The following STAP1 variants were observed in gnomAD, a reference collection of about 807,000 sequenced individuals.
STAP1 encodes the protein signal-transducing adaptor protein 1.
In STAP1, 30 loss-of-function variants were observed where a neutral mutation model predicts 37.8. That is an observed-to-expected ratio of 0.79 (90% CI 0.59 to 1.08). STAP1 has a LOEUF of 1.08. STAP1 is among the 50% of genes least tolerant of loss of function. The pLI is 0.00. For synonymous variants in STAP1, 130 were observed against 116.0 expected (o/e 1.12, Z -0.78); for missense variants, 357 against 349.4 (o/e 1.02, Z -0.17).
chr4:67,590,948 A>G lies in STAP1; in HGVS notation c.724A>G (p.Lys242Glu). 1 of 1,610,574 alleles carries G rather than the reference A, an allele frequency of 6.2e-7. No individual in the cohort carries two copies. The highest frequency in any genetic ancestry group is 8.5e-7 in the Non-Finnish European group (1 of 1,178,098). ...VGQNYTIELE[K>E]PVTLPNLFSV... ...ACAAAACTACACTATTGAACTGGAA[A>G]AACCTGTAAGTAACTATTTTTGTTG... Residue 242 changes from lysine (K) to glutamate (E), a missense_variant, in exon 7 of 9, where the codon AAA becomes GAA. Coordinates refer to ENST00000265404, the MANE Select transcript of STAP1 (RefSeq NM_012108.4).
At chr4:67,598,540 G>C (rs1728272747) in intron 8 of STAP1, among the ~76,000 whole-genome samples, 1 of 152,066 alleles carries the variant, frequency 6.6e-6, no homozygotes, top group African/African-American at 2.4e-5. Flanking sequence ...GTGATGTTGA[G>C]CATCTTTTCA....
intron 7 of STAP1, 146 bp from the exon 8 acceptor site, chr4:67,593,114 C>T: frequency 1.9e-6 from 1 of 538,148 alleles, no homozygotes; most frequent in East Asian, 3.2e-5. Flanking sequence ...ATAAATAAGA[C>T]ACAGGGATAG....
At chr4:67,589,859 C>CAGCG (rs1331752412) in intron 6 of STAP1, among the ~76,000 whole-genome samples, 1 of 151,560 alleles carries the variant, frequency 6.6e-6, no homozygotes, top group Non-Finnish European at 1.5e-5. Context: ...GGCTAGAATG[C>CAGCG]AGCGGCACCA....
chr4:67,562,599 A>G (rs1217757298), intron 1 of STAP1, among the ~76,000 whole-genome samples: 1 of 88,868 alleles, frequency 1.1e-5, no homozygotes, highest in Admixed American at 1.2e-4. Flanking sequence ...CCCTGTCTCT[A>G]CTAAAAAAAA....
chr4:67,568,744 C>T (rs6828030), intron 1 of STAP1, among the ~76,000 whole-genome samples: 86,830 of 151,522 alleles, frequency 0.57, 25,681 homozygotes, highest in Non-Finnish European at 0.63. Flanking sequence ...ATACTATTTA[C>T]TGAACCCCAG....
At chr4:67,599,894 G>A (rs906227392) in intron 8 of STAP1, among the ~76,000 whole-genome samples, 11 of 151,840 alleles carry the variant, frequency 7.2e-5, no homozygotes, top group South Asian at 2.1e-4. Flanking sequence ...CACCTGCCTC[G>A]GACTCCCAAT....
At position 67,558,880 on chromosome 4, in the gene STAP1, T is replaced by A; in HGVS notation, c.71T>A (p.Leu24Gln). 6.2e-7 allele frequency: 1 copy of A among 1,613,730 alleles called. No homozygotes were observed. Among genetic ancestry groups the A allele is most frequent in the Non-Finnish European group, 8.5e-7 (1 of 1,179,706 alleles). Residue 24 changes from leucine to glutamine, a missense_variant, in exon 1 of 9, where the codon CTA (leucine) becomes CAA (glutamine). Leu to Gln is a moderately radical substitution (Grantham distance 113). Transcript: ENST00000265404. The stretch of plus-strand genomic sequence containing the variant: ...CAGGAAAGGTTAAAGATTACTGCTC[T>A]ACCTTTGTACTTTGAAGGTTTTTTA... ...IFQERLKITA[L>Q]PLYFEGFLLI...
chr4:67,559,026 T>C, intron 1 of STAP1, 97 bp downstream of exon 1: 5 of 1,218,140 alleles, frequency 4.1e-6, no homozygotes, highest in Non-Finnish European at 5.5e-6. Context: ...CTTGTTTCTG[T>C]TGAAATTAAA....
At chr4:67,598,290 A>G (rs1359029599) in intron 8 of STAP1, among the ~76,000 whole-genome samples, 1 of 152,178 alleles carries the variant, frequency 6.6e-6, no homozygotes, top group East Asian at 1.9e-4. Context: ...TTTGGGGTAT[A>G]TACCTAGCAG....
intron 8 of STAP1, among the ~76,000 whole-genome samples, chr4:67,602,483 T>C (rs1728364778): frequency 6.6e-6 from 1 of 152,186 alleles, no homozygotes; most frequent in African/African-American, 2.4e-5. Flanking sequence ...CCATCCTTCT[T>C]GGAAAGGTTT....
chr4:67,578,830 ATT>A (rs11314663), intron 4 of STAP1, among the ~76,000 whole-genome samples: 112 of 142,500 alleles, frequency 7.9e-4, no homozygotes, highest in African/African-American at 1.5e-3. Flanking sequence ...ATTTATGTGA[ATT>A]TTTTTTTTTT....
At position 67,575,511 on chromosome 4, in the gene STAP1, A is replaced by T. The variant is rs1280928218; in HGVS notation, c.306+13A>T. ...AGTACAACTGAAGGTGAGCGAGGAG[A>T]AACAGTAGTCTGTAAAGGGTTGTGG... On this transcript the variant is annotated intron_variant, in intron 3 of 8. Transcript: ENST00000265404. 2.5e-6 allele frequency: 4 copies of T among 1,569,342 alleles called. No homozygotes were observed. The East Asian group carries it at 9.0e-5, about 35-fold the overall frequency.
intron 7 of STAP1, 140 bp downstream of exon 7, chr4:67,591,093 G>C (rs1312245348): frequency 2.0e-5 from 9 of 440,360 alleles, no homozygotes; most frequent in African/African-American, 1.4e-4. Flanking sequence ...AGGAACAGGT[G>C]GTGAGGCAGA....
At chr4:67,582,333 A>ACAGTGTCTCACTCTGTTAGC (rs2109865646) in intron 5 of STAP1, among the ~76,000 whole-genome samples, 1 of 149,522 alleles carries the variant, frequency 6.7e-6, no homozygotes, top group Non-Finnish European at 1.5e-5. Flanking sequence ...TTTTTTTGAG[A>ACAGTGTCTCACTCTGTTAGC]CAGTGTCTCA....
intron 8 of STAP1, among the ~76,000 whole-genome samples, chr4:67,600,349 T>C (rs1029470493): frequency 6.6e-5 from 10 of 152,194 alleles, no homozygotes; most frequent in Admixed American, 2.6e-4. Flanking sequence ...TTTTATTCCA[T>C]TGTGGTTGGA....
chr4:67,566,031 C>T (rs1317463240), intron 1 of STAP1, among the ~76,000 whole-genome samples: 1 of 146,086 alleles, frequency 6.8e-6, no homozygotes, highest in Non-Finnish European at 1.5e-5. Context: ...TCACTGCAAC[C>T]TTCGCTTCCT....
intron 4 of STAP1, among the ~76,000 whole-genome samples, chr4:67,578,725 C>G (rs1408140031): frequency 6.6e-6 from 1 of 152,014 alleles, no homozygotes; most frequent in Admixed American, 6.5e-5. Context: ...TTTGGCCAAA[C>G]ATTTTGTTTT....
chr4:67,603,704 A>T (rs952897463), intron 8 of STAP1, among the ~76,000 whole-genome samples: 2 of 151,958 alleles, frequency 1.3e-5, no homozygotes, highest in African/African-American at 4.8e-5. Context: ...AGGCCTCATG[A>T]CTCTGCCTGA....
chr4:67,575,223 C>A (rs1727691032), intron 2 of STAP1, among the ~76,000 whole-genome samples, 162 bp from the exon 3 acceptor site: 1 of 152,166 alleles, frequency 6.6e-6, no homozygotes, highest in Non-Finnish European at 1.5e-5. Flanking sequence ...CAGCACACCA[C>A]CACATAATAC....
Sources: allele counts gnomAD v4.1 joint callset (sites outside exome capture counted in the v4.1 genomes callset), GRCh38; gene constraint gnomAD v4.1.1; transcripts MANE v1.5; gene names NCBI Gene and HGNC (gene_info 2026-07-23, HGNC 2026-07-21).